Variants in RPAP3 observed in about 807,000 individuals in gnomAD.
The protein encoded by RPAP3 is RNA polymerase II-associated protein 3.
In RPAP3, 58 loss-of-function variants were observed where a neutral mutation model predicts 88.8. That is an observed-to-expected ratio of 0.65 (90% CI 0.53 to 0.81). The LOEUF (loss-of-function observed/expected upper bound fraction) is 0.81, where lower values mean the gene tolerates loss of function less well. Ranked by LOEUF, RPAP3 falls within the 40% of genes least tolerant of loss-of-function variation. The pLI, the probability that RPAP3 is intolerant of heterozygous loss-of-function variation, is 0.00. For missense variants in RPAP3, 751 were observed against 764.3 expected, an observed-to-expected ratio of 0.98 and a Z score of 0.20; for synonymous variants, 255 against 259.9, an observed-to-expected ratio of 0.98 and a Z score of 0.18.
chr12:47,664,689 A>G (rs1938831682), intron 16 of RPAP3: 1 of 152,240 alleles, frequency 6.6e-6, no homozygotes, highest in African/African-American at 2.4e-5. Context: ...CAGTCTGAAG[A>G]GCCCACCTGC....
chr12:47,680,608 A>C (rs1333599759), intron 10 of RPAP3, among the ~76,000 whole-genome samples: 4 of 152,122 alleles, frequency 2.6e-5, no homozygotes, highest in African/African-American at 7.2e-5. Flanking sequence ...GAAAAACAGC[A>C]AATTAAACCA....
At chr12:47,703,824 T>C (rs1265674206) in intron 1 of RPAP3, among the ~76,000 whole-genome samples, 1 of 151,976 alleles carries the variant, frequency 6.6e-6, no homozygotes, top group Non-Finnish European at 1.5e-5. Context: ...GGTAGTAAAA[T>C]AAAAAGAACT....
chr12:47,667,873 C>T (rs1317645387), intron 14 of RPAP3, 22 bp from the exon 15 acceptor site: 6 of 1,426,012 alleles, frequency 4.2e-6, no homozygotes, highest in Non-Finnish European at 4.9e-6. Context: ...AATAAAAAGA[C>T]AATTACTTGA....
intron 1 of RPAP3, among the ~76,000 whole-genome samples, chr12:47,705,065 A>G (rs186613185): frequency 5.9e-5 from 9 of 152,302 alleles, no homozygotes; most frequent in Admixed American, 2.6e-4. Flanking sequence ...CTTTGATAAT[A>G]TAAGACTTGT....
At chr12:47,703,930 A>G (rs1939710104) in intron 1 of RPAP3, among the ~76,000 whole-genome samples, 1 of 152,212 alleles carries the variant, frequency 6.6e-6, no homozygotes, top group Non-Finnish European at 1.5e-5. Flanking sequence ...TACTGATGCC[A>G]TTTTGAGTCA....
intron 12 of RPAP3, among the ~76,000 whole-genome samples, chr12:47,672,804 G>C (rs968742286): frequency 6.6e-6 from 1 of 152,024 alleles, no homozygotes; most frequent in Admixed American, 6.6e-5. Flanking sequence ...AATTCACATT[G>C]TATTTTCACA....
chr12:47,673,650 C>G (rs1312710071), intron 12 of RPAP3, among the ~76,000 whole-genome samples: 1 of 151,858 alleles, frequency 6.6e-6, no homozygotes, highest in East Asian at 1.9e-4. Context: ...AACTGTTATG[C>G]AAAGGATCGT....
chr12:47,689,666 C>T (rs188319882), intron 6 of RPAP3, among the ~76,000 whole-genome samples: 2 of 152,174 alleles, frequency 1.3e-5, no homozygotes, highest in Non-Finnish European at 2.9e-5. Flanking sequence ...TCTTCTCCCC[C>T]CAGGGCAGAC....
At chr12:47,696,928 C>CGTG (rs977736823) in intron 4 of RPAP3, among the ~76,000 whole-genome samples, 2 of 152,218 alleles carry the variant, frequency 1.3e-5, no homozygotes, top group Admixed American at 1.3e-4. Context: ...TGACCCCACA[C>CGTG]TGTTCAAGGG....
intron 14 of RPAP3, 69 bp downstream of exon 14, chr12:47,668,847 T>C (rs1938935084): frequency 8.3e-7 from 1 of 1,198,364 alleles, no homozygotes. Flanking sequence ...TACGGCACCA[T>C]TATTATAAAG....
In RPAP3 at chr12:47,667,029, T is replaced by C. The variant is rs141013624; in HGVS notation, c.1863A>G (p.Leu621=). ...IFEILQRLSE[L]KRFDMAVMFM... ...ACATCACTGCCATATCAAACCTTTT[T>C]AGTTCAGAAAGTCTTTGTAAGATTT... Residue 621 remains leucine (L), a synonymous_variant, in exon 16 of 17, where the codon CTA becomes CTG. Transcript: ENST00000005386. 5.2e-5 allele frequency: 80 copies of C among 1,536,944 alleles called. 1 individual carries two copies. In the African/African-American group the frequency reaches 1.0e-3, roughly 20 times the overall value.
Position 47,686,974 on chromosome 12 carries a change from C to T in RPAP3, c.865-67G>A. On this transcript the variant is annotated intron_variant, in intron 8 of 16. Coordinates refer to ENST00000005386, the MANE Select transcript of RPAP3 (RefSeq NM_024604.3). ...TCAAAAAAAATAAATGAATTCAAAT[C>T]TTATGAAACACTGCAAGGATATTCA... 7.2e-6 allele frequency: 7 copies of T among 974,754 alleles called. No homozygotes were observed. The South Asian group carries it at 1.3e-4, about 18-fold the overall frequency. The allele number at this position is 974,754 out of a possible 1,614,324, so 60.4% of individuals were successfully genotyped here. A position where few individuals can be genotyped will look rare whatever the true frequency, so the allele number is the denominator to read the frequency against.
At chr12:47,689,361 G>C (rs1382971275) in intron 6 of RPAP3, among the ~76,000 whole-genome samples, 166 bp from the exon 7 acceptor site, 1 of 152,044 alleles carries the variant, frequency 6.6e-6, no homozygotes, top group Non-Finnish European at 1.5e-5. Context: ...CTTTTTTTGA[G>C]ACAGATTCTC....
At position 47,702,843 on chromosome 12, in the gene RPAP3, T is replaced by C. The variant is rs753394665; in HGVS notation, c.-3A>G. 3 of 1,610,444 alleles carry C rather than the reference T, an allele frequency of 1.9e-6. No homozygotes were observed. Among genetic ancestry groups the C allele is most frequent in the South Asian group, 2.2e-5 (2 of 90,004 alleles). ...ATTGCTTTATTTGCTGAAGTCATTATGGTCTGCAGAGTTTTGAACAACCAA... is the reference window on the plus strand; with the variant it reads ...ATTGCTTTATTTGCTGAAGTCATTACGGTCTGCAGAGTTTTGAACAACCAA... On this transcript the variant is annotated 5_prime_UTR_variant, in exon 2 of 17. Transcript: ENST00000005386.
chr12:47,693,227 CAGGGAAT>C (rs1939462283), intron 5 of RPAP3, among the ~76,000 whole-genome samples: 1 of 151,984 alleles, frequency 6.6e-6, no homozygotes, highest in South Asian at 2.1e-4. Context: ...TGTTGTGTCT[CAGGGAAT>C]AGGGAAGCCC....
intron 7 of RPAP3, 138 bp downstream of exon 7, chr12:47,688,987 T>C (rs1020081298): frequency 7.5e-6 from 4 of 536,060 alleles, no homozygotes; most frequent in Non-Finnish European, 9.7e-6. Flanking sequence ...CAAATTCATT[T>C]AGTAAAACTC....
intron 5 of RPAP3, among the ~76,000 whole-genome samples, chr12:47,691,196 T>C (rs1272877702): frequency 6.6e-6 from 1 of 152,184 alleles, no homozygotes; most frequent in Non-Finnish European, 1.5e-5. Context: ...ATCAACTAAG[T>C]TTATATAATG....
intron 5 of RPAP3, among the ~76,000 whole-genome samples, chr12:47,691,452 C>T (rs946335781): frequency 2.6e-5 from 4 of 152,216 alleles, no homozygotes; most frequent in Non-Finnish European, 2.9e-5. Context: ...ATTTTGACCT[C>T]CTCCCATGAA....
chr12:47,700,625 C>G (rs1430486774), intron 3 of RPAP3, among the ~76,000 whole-genome samples: 1 of 152,198 alleles, frequency 6.6e-6, no homozygotes, highest in Non-Finnish European at 1.5e-5. Context: ...CAGGCTGACA[C>G]GACAGTGGCT....
Sources: allele counts gnomAD v4.1 joint callset (sites outside exome capture counted in the v4.1 genomes callset), GRCh38; gene constraint gnomAD v4.1.1; transcripts MANE v1.5; gene names NCBI Gene and HGNC (gene_info 2026-07-23, HGNC 2026-07-21).